The following SCN10A variants were observed in gnomAD, a reference collection of about 807,000 sequenced individuals.
The protein encoded by SCN10A is sodium channel protein type 10 subunit alpha.
SCN10A carries 162 observed loss-of-function variants against 170.7 expected under a neutral mutation model. The observed-to-expected ratio is 0.95, with a 90% CI of 0.84 to 1.08. The LOEUF is 1.08. Ranked by LOEUF, SCN10A falls within the 50% of genes least tolerant of loss-of-function variation. The probability of loss-of-function intolerance (pLI) is 0.00; values close to 1 mark genes in which losing one functional copy is unlikely to be tolerated. For synonymous variants in SCN10A, 985 were observed against 904.6 expected (o/e 1.09, Z -1.59); for missense variants, 2,527 against 2,436.9 (o/e 1.04, Z -0.78).
At position 38,697,172 on chromosome 3, in the gene SCN10A, G is replaced by A. The variant is rs1180720730; in HGVS notation, c.*177C>T. The A allele has an allele frequency of 2.2e-6, 2 of 916,050 alleles. No homozygotes were observed. The highest frequency in any genetic ancestry group is 3.2e-6 in the Non-Finnish European group (2 of 626,690). 56.7% of individuals were successfully genotyped at this position (916,050 alleles called of 1,614,324 possible). A position where few individuals can be genotyped will look rare whatever the true frequency, so the allele number is the denominator to read the frequency against. ...TGCTCTTAGCTTCTGACTCCTATTT[G>A]TGTATGATGGTTTTTTCAAAGGTGG... On this transcript the variant is annotated 3_prime_UTR_variant, in exon 28 of 28. Coordinates refer to ENST00000449082, the MANE Select transcript of SCN10A (RefSeq NM_006514.4).
At position 38,714,064 on chromosome 3, in the gene SCN10A, A is replaced by G. The variant is rs777731699; in HGVS notation, c.3698T>C (p.Leu1233Pro). 6.2e-7 allele frequency: 1 copy of G among 1,614,190 alleles called. No individual in the cohort carries two copies. Among genetic ancestry groups the G allele is most frequent in the Non-Finnish European group, 8.5e-7 (1 of 1,180,024 alleles). The change falls in exon 22 of 28, where the codon CTC (leucine) becomes CCC (proline). Residue 1233 changes from leucine to proline, a missense_variant. By Grantham distance (98) the Leu-to-Pro change is moderately conservative. Transcript: ENST00000449082. ...FLIVNISLIS[L>P]TAKILEYSEV... ...AGAATATTCCAGAATCTTCGCTGTG[A>G]GACTTATCAGTGAGATCTGAGTGCA...
At position 38,790,430 on chromosome 3, in the gene SCN10A, G is replaced by C. The variant is rs189244893; in HGVS notation, c.390-1394C>G. ...CAATTATTTACTCATCAAATCTCAA[G>C]ATGAAGAGAATATTCACTGGTCACT... On this transcript the variant is annotated intron_variant, in intron 3 of 27. Coordinates refer to ENST00000449082, the MANE Select transcript of SCN10A (RefSeq NM_006514.4). Among the ~76,000 whole-genome samples, 562 of 151,974 alleles carry C rather than the reference G, an allele frequency of 3.7e-3. 2 individuals carry two copies. The highest frequency in any genetic ancestry group is 0.02 in the Middle Eastern group (6 of 294).
chr3:38,699,413 C>T, intron 27 of SCN10A, among the ~76,000 whole-genome samples: 1 of 152,050 alleles, frequency 6.6e-6, no homozygotes, highest in South Asian at 2.1e-4. Flanking sequence ...GTACCAAAGG[C>T]CTCCACCAAA....
Position 38,755,814 on chromosome 3 carries a change from A to G in SCN10A, c.1435T>C (p.Ser479Pro), listed in dbSNP as rs1245630548. 5.6e-6 allele frequency: 9 copies of G among 1,613,786 alleles called. No homozygotes were observed. The highest frequency in any genetic ancestry group is 1.3e-5 in the African/African-American group (1 of 74,876). ...GSTEDNKSPRSDPYNQRRMSF... is the reference protein window; with the variant it reads ...GSTEDNKSPRPDPYNQRRMSF... ...ATCCTGCGCTGGTTGTAAGGATCAG[A>G]GCGGGGTGATTTGTTGTCTTCTGTG... The change falls in exon 11 of 28, where the codon TCT becomes CCT. Residue 479 changes from serine (S) to proline (P), a missense_variant. Coordinates refer to ENST00000449082, the MANE Select transcript of SCN10A (RefSeq NM_006514.4).
intron 1 of SCN10A, among the ~76,000 whole-genome samples, chr3:38,808,211 A>C (rs2126066203): frequency 6.6e-6 from 1 of 150,840 alleles, no homozygotes; most frequent in East Asian, 1.9e-4. Context: ...AAAACCCACC[A>C]GCTTGCTTTC....
chr3:38,753,309 G>C (rs1242871326), intron 11 of SCN10A, among the ~76,000 whole-genome samples: 2 of 152,178 alleles, frequency 1.3e-5, no homozygotes, highest in Non-Finnish European at 2.9e-5. Flanking sequence ...AGTGAAACTT[G>C]ACCATAATAA....
At chr3:38,755,711 C>T in intron 11 of SCN10A, 77 bp downstream of exon 11, 1 of 1,552,466 alleles carries the variant, frequency 6.4e-7, no homozygotes, top group Non-Finnish European at 8.9e-7. Context: ...TGCCACACAC[C>T]TCTTCCCACT....
chr3:38,710,172 T>TC (rs199727999), intron 24 of SCN10A, among the ~76,000 whole-genome samples: 1,738 of 152,270 alleles, frequency 0.011, 37 homozygotes, highest in African/African-American at 0.039. Flanking sequence ...TCTTTTCTTT[T>TC]TTTTTGAGAT....
At chr3:38,750,597 G>A (rs57803396) in intron 12 of SCN10A, among the ~76,000 whole-genome samples, 24,348 of 152,152 alleles carry the variant, frequency 0.16, 2,798 homozygotes, top group African/African-American at 0.3. Flanking sequence ...TAGGCACTTT[G>A]TTATTTCATT....
intron 26 of SCN10A, 119 bp downstream of exon 26, chr3:38,707,160 G>T: frequency 9.5e-7 from 1 of 1,054,270 alleles, no homozygotes; most frequent in Non-Finnish European, 1.4e-6. Context: ...TCATCCCAAC[G>T]TCAACCCAGA....
intron 11 of SCN10A, among the ~76,000 whole-genome samples, chr3:38,754,659 A>G (rs1278231149): frequency 1.3e-5 from 2 of 152,226 alleles, no homozygotes; most frequent in African/African-American, 4.8e-5. Flanking sequence ...AAAGGGGCAA[A>G]GCAAGAAAGA....
intron 4 of SCN10A, among the ~76,000 whole-genome samples, chr3:38,787,912 C>T (rs915760093): frequency 1.4e-4 from 20 of 146,378 alleles, no homozygotes; most frequent in Admixed American, 3.5e-4. Context: ...TGAGAACATA[C>T]GGTGTTTGGT....
chr3:38,717,349 T>C (rs1460923072), intron 21 of SCN10A, among the ~76,000 whole-genome samples: 4 of 152,202 alleles, frequency 2.6e-5, no homozygotes, highest in Admixed American at 2.0e-4. Flanking sequence ...AGTAGGAAGA[T>C]GGATGAAATG....
rs1209932820 is a variant in SCN10A at position 38,743,365 on chromosome 3, CT to C, written c.1868-837del. ...GCCTGCATCATCCAGACCTGTCTCC[CT>C]TCCAGACCATTGCCATGAGCAGGTA... On this transcript the variant is annotated intron_variant, in intron 13 of 27. Coordinates refer to ENST00000449082, the MANE Select transcript of SCN10A (RefSeq NM_006514.4). 3.9e-5 allele frequency among the ~76,000 whole-genome samples: 6 copies of C among 152,314 alleles called. No individual in the cohort carries two copies. The South Asian group carries it at 1.0e-3, about 26-fold the overall frequency.
intron 3 of SCN10A, among the ~76,000 whole-genome samples, chr3:38,789,923 G>A (rs2064258863): frequency 6.6e-6 from 1 of 152,152 alleles, no homozygotes; most frequent in African/African-American, 2.4e-5. Context: ...AATAAAACTT[G>A]AAGATAAACT....
chr3:38,707,137 A>G, intron 26 of SCN10A, 142 bp downstream of exon 26: 1 of 752,508 alleles, frequency 1.3e-6, no homozygotes, highest in Non-Finnish European at 2.1e-6. Context: ...GGGCCTAGGA[A>G]CCCTCATCAC....
At chr3:38,794,172 C>T (rs2064322216) in intron 1 of SCN10A, 130 bp from the exon 2 acceptor site, 2 of 647,174 alleles carry the variant, frequency 3.1e-6, no homozygotes, top group South Asian at 3.8e-5. Flanking sequence ...CCTGAACTCA[C>T]ACTTGGCTCC....
intron 21 of SCN10A, among the ~76,000 whole-genome samples, chr3:38,714,983 C>T (rs1485518972): frequency 1.3e-5 from 2 of 152,172 alleles, no homozygotes; most frequent in African/African-American, 4.8e-5. Context: ...CACACAGGAG[C>T]TTCAGAAAAG....
In SCN10A at chr3:38,815,561, G is replaced by A. The variant is rs540453273; in HGVS notation, c.-33+476C>T. 6.6e-5 allele frequency among the ~76,000 whole-genome samples: 10 copies of A among 152,310 alleles called. No homozygotes were observed. In the East Asian group the frequency reaches 1.7e-3, roughly 26 times the overall value. ...TGAGTTTAGGACAAAACGTCTTGCT[G>A]AAGCTGTGTATCACCACTGACCCGG... is the stretch of plus-strand genomic sequence containing the variant. On this transcript the variant is annotated intron_variant, in intron 1 of 27. Transcript: ENST00000449082.
Sources: allele counts gnomAD v4.1 joint callset (sites outside exome capture counted in the v4.1 genomes callset), GRCh38; gene constraint gnomAD v4.1.1; transcripts MANE v1.5; gene names NCBI Gene and HGNC (gene_info 2026-07-23, HGNC 2026-07-21).